The following PHGDH variants were observed in gnomAD, a reference collection of about 807,000 sequenced individuals.
PHGDH encodes the protein phosphoglycerate dehydrogenase, also known as D-3-phosphoglycerate dehydrogenase.
Under a neutral mutation model 52.6 loss-of-function variants are expected in PHGDH, and 50 were observed. The observed-to-expected ratio is 0.95, with a 90% CI of 0.76 to 1.20. The LOEUF (loss-of-function observed/expected upper bound fraction) is 1.20. Ranked by LOEUF, PHGDH falls within the 50% of genes most tolerant of loss-of-function variation. The pLI, the probability that PHGDH is intolerant of heterozygous loss-of-function variation, is 0.00. For synonymous variants in PHGDH, 271 were observed against 280.5 expected (o/e 0.97, Z 0.34); for missense variants, 630 against 684.6 (o/e 0.92, Z 0.89).
At chr1:119,733,526 G>A (rs973296679) in intron 5 of PHGDH, among the ~76,000 whole-genome samples, 23 of 148,472 alleles carry the variant, frequency 1.5e-4, no homozygotes, top group Admixed American at 1.1e-3. Flanking sequence ...GTAGGGGGGG[G>A]GGTCTGACTA....
At chr1:119,730,809 G>A (rs1651658062) in intron 5 of PHGDH, among the ~76,000 whole-genome samples, 2 of 152,116 alleles carry the variant, frequency 1.3e-5, no homozygotes, top group Non-Finnish European at 2.9e-5. Context: ...TTGTGGAATG[G>A]GCCACCTCAG....
rs1651422645 is a variant in PHGDH, at chr1:119,726,552, G to A, written c.357-299G>A. 3 of 502,974 alleles carry A rather than the reference G, an allele frequency of 6.0e-6. No homozygotes were observed. The South Asian group carries it at 6.3e-5, about 11-fold the overall frequency. The allele number at this position is 502,974 out of a possible 1,614,324, so 31.2% of individuals were successfully genotyped here. A position where few individuals can be genotyped will look rare whatever the true frequency, so the allele number is the denominator to read the frequency against. ...TACAGACCCTGGAGGATTGGCGATCGCTTAAAGTAAAAAACTCACTCTGGT... is the reference window on the plus strand; with the variant it reads ...TACAGACCCTGGAGGATTGGCGATCACTTAAAGTAAAAAACTCACTCTGGT... On this transcript the variant is annotated intron_variant, in intron 3 of 11. Transcript: ENST00000641023.
chr1:119,737,324 G>A (rs77600587), intron 8 of PHGDH, 58 bp downstream of exon 8: 1 of 1,420,162 alleles, frequency 7.0e-7, no homozygotes, highest in Non-Finnish European at 9.9e-7. Context: ...AGGAAGGAAG[G>A]CATCTTGTAG....
intron 3 of PHGDH, 83 bp downstream of exon 3, chr1:119,723,524 C>A: frequency 9.1e-7 from 1 of 1,100,074 alleles, no homozygotes; most frequent in South Asian, 1.2e-5. Context: ...CCCAGAAAAA[C>A]TTAGAAACAT....
chr1:119,718,747 G>A (rs1194203364), intron 1 of PHGDH, among the ~76,000 whole-genome samples: 2 of 152,194 alleles, frequency 1.3e-5, no homozygotes, highest in Non-Finnish European at 2.9e-5. Context: ...CTCAATAAAT[G>A]GTTTATGTGC....
chr1:119,736,408 C>G (rs1158864086), intron 7 of PHGDH, among the ~76,000 whole-genome samples: 1 of 152,194 alleles, frequency 6.6e-6, no homozygotes, highest in South Asian at 2.1e-4. Flanking sequence ...TACATGGTTA[C>G]ATGTGGCCAG....
intron 5 of PHGDH, among the ~76,000 whole-genome samples, chr1:119,727,992 G>T (rs1571000592): frequency 6.6e-6 from 1 of 152,158 alleles, no homozygotes; most frequent in East Asian, 1.9e-4. Flanking sequence ...ATGAGTAGTA[G>T]CTGTACATTC....
intron 5 of PHGDH, among the ~76,000 whole-genome samples, chr1:119,733,713 G>C (rs941597248): frequency 8.5e-5 from 13 of 152,170 alleles, no homozygotes; most frequent in African/African-American, 2.9e-4. Flanking sequence ...TAGAAAACTT[G>C]AAAGCACAGG....
At chr1:119,732,929 G>GA (rs1291052135) in intron 5 of PHGDH, among the ~76,000 whole-genome samples, 15 of 151,028 alleles carry the variant, frequency 9.9e-5, no homozygotes, top group East Asian at 1.9e-4. Flanking sequence ...CTCCATATGA[G>GA]AAAAAAAAAT....
intron 2 of PHGDH, 109 bp from the exon 3 acceptor site, chr1:119,723,267 A>G (rs1281164467): frequency 2.3e-6 from 2 of 887,256 alleles, no homozygotes; most frequent in East Asian, 2.4e-5. Flanking sequence ...TGGTCAGTTC[A>G]TGGAGCAGGA....
At chr1:119,730,490 A>AT (rs1651642234) in intron 5 of PHGDH, among the ~76,000 whole-genome samples, 1 of 152,192 alleles carries the variant, frequency 6.6e-6, no homozygotes, top group Admixed American at 6.5e-5. Flanking sequence ...TTTTCTATGC[A>AT]TTTGCACAGA....
At chr1:119,727,180 C>A in intron 5 of PHGDH, 78 bp downstream of exon 5, 1 of 875,520 alleles carries the variant, frequency 1.1e-6, no homozygotes. Flanking sequence ...GGGCAGAAGC[C>A]AGAAGCTTTG....
At chr1:119,741,740 C>T (rs1241160554) in intron 9 of PHGDH, 27 bp from the exon 10 acceptor site, 1 of 1,610,576 alleles carries the variant, frequency 6.2e-7, no homozygotes, top group Non-Finnish European at 8.5e-7. Context: ...AAACAGTGAC[C>T]TCATGGTAGC....
intron 3 of PHGDH, among the ~76,000 whole-genome samples, chr1:119,725,691 T>A (rs1651376072): frequency 6.6e-6 from 1 of 152,092 alleles, no homozygotes; most frequent in South Asian, 2.1e-4. Flanking sequence ...TGAGAGAATG[T>A]TTTTGTGTTA....
chr1:119,722,386 AC>A (rs1293936081), intron 2 of PHGDH, among the ~76,000 whole-genome samples: 5 of 152,328 alleles, frequency 3.3e-5, no homozygotes, highest in African/African-American at 1.2e-4. Context: ...ATCAGGGTGA[AC>A]ACGTATATGA....
intron 9 of PHGDH, among the ~76,000 whole-genome samples, chr1:119,740,986 C>G (rs760802149): frequency 6.7e-4 from 102 of 152,264 alleles, no homozygotes; most frequent in Non-Finnish European, 1.1e-3. Flanking sequence ...ACACTTTGTG[C>G]TCTGTAACTT....
intron 3 of PHGDH, among the ~76,000 whole-genome samples, chr1:119,725,421 G>A (rs995287891): frequency 6.6e-6 from 1 of 152,184 alleles, no homozygotes; most frequent in Non-Finnish European, 1.5e-5. Flanking sequence ...GGCCAGGTGG[G>A]GCTCTGTCTC....
Position 119,721,330 on chromosome 1 carries a change from T to C in PHGDH, c.290+9T>C. On this transcript the variant is annotated intron_variant, in intron 2 of 11. Coordinates refer to ENST00000641023, the MANE Select transcript of PHGDH (RefSeq NM_006623.4). ...GGCATCTTGGTTATGAAGTAAGTCA[T>C]GGAGGCTGCGGGCGGTTTGGGGGTA... The C allele has an allele frequency of 6.2e-7, 1 of 1,612,374 alleles. No homozygotes were observed.
rs1342227357 is a variant in PHGDH at position 119,738,290 on chromosome 1, G to A, written c.945+1024G>A. On this transcript the variant is annotated intron_variant, in intron 8 of 11. Transcript: ENST00000641023. ...TGTGGCAGGAGAGACGGGGATTTTGGTTCTGCCCTCCCACCTCTGGATTGA... is the reference window on the plus strand; with the variant it reads ...TGTGGCAGGAGAGACGGGGATTTTGATTCTGCCCTCCCACCTCTGGATTGA... 7.9e-5 allele frequency among the ~76,000 whole-genome samples: 12 copies of A among 152,244 alleles called. No individual in the cohort carries two copies. In the East Asian group the frequency reaches 2.3e-3, roughly 29 times the overall value.
Sources: gnomAD v4.1 joint callset for allele counts (sites outside exome capture counted in the v4.1 genomes callset) on GRCh38, gnomAD v4.1.1 for gene constraint, MANE v1.5 for transcripts, NCBI Gene and HGNC (gene_info 2026-07-23, HGNC 2026-07-21) for gene names.